The following MICALL2 variants were observed in gnomAD, a reference collection of about 807,000 sequenced individuals.
MICALL2 encodes the protein MICAL-like protein 2.
In MICALL2, 111 loss-of-function variants were observed where a neutral mutation model predicts 91.1. That is an observed-to-expected ratio of 1.22 (90% CI 1.04 to 1.43). The LOEUF is 1.43. Among genes scored for constraint, MICALL2 ranks in the 40% most tolerant of loss-of-function variants. The pLI, the probability that MICALL2 is intolerant of heterozygous loss-of-function variation, is 0.00. For missense variants in MICALL2, 1,556 were observed against 1,236.0 expected, an observed-to-expected ratio of 1.26 and a Z score of -3.88; for synonymous variants, 694 against 525.3, an observed-to-expected ratio of 1.32 and a Z score of -4.39.
At chr7:1,440,238 G>A in intron 8 of MICALL2, 153 bp from the exon 9 acceptor site, 1 of 910,044 alleles carries the variant, frequency 1.1e-6, no homozygotes, top group South Asian at 1.7e-5. Flanking sequence ...CACCTGCTGG[G>A]ACCCTCCTGC....
At chr7:1,458,543 C>A (rs1781099728) in intron 1 of MICALL2, among the ~76,000 whole-genome samples, 1 of 152,256 alleles carries the variant, frequency 6.6e-6, no homozygotes, top group Non-Finnish European at 1.5e-5. Flanking sequence ...CAGCAACGGG[C>A]AGGGCCAGCT....
chr7:1,444,504 C>A (rs889738134), intron 6 of MICALL2, 148 bp downstream of exon 6: 5 of 815,334 alleles, frequency 6.1e-6, no homozygotes, highest in African/African-American at 3.5e-5. Flanking sequence ...TCCCCATTCC[C>A]CAGAGAAGGA....
rs576836690 is a variant in MICALL2 at position 1,452,314 on chromosome 7, C to T, written c.144-2026G>A. ...GCCTCTGTCTGCCTGGGCTTGTCCC[C>T]CGAGAGGGTGTGACCCGAGGGCACG... On this transcript the variant is annotated intron_variant, in intron 1 of 16. Coordinates refer to ENST00000297508, the MANE Select transcript of MICALL2 (RefSeq NM_182924.4). This position sits in a 1 kb window ranked among gnomAD's most constrained non-coding sequence, Gnocchi z 6.2. 6.6e-6 allele frequency among the ~76,000 whole-genome samples: 1 copy of T among 152,152 alleles called. No individual in the cohort carries two copies. The highest frequency in any genetic ancestry group is 1.5e-5 in the Non-Finnish European group (1 of 68,018).
intron 1 of MICALL2, among the ~76,000 whole-genome samples, chr7:1,456,574 A>C (rs1781024934): frequency 1.3e-5 from 2 of 151,984 alleles, no homozygotes. Flanking sequence ...CGACAGAGCT[A>C]GACTCTGTCT....
At position 1,447,665 on chromosome 7, in the gene MICALL2, G is replaced by C; in HGVS notation, c.435C>G (p.Ala145=). The C allele has an allele frequency of 6.3e-7, 1 of 1,587,530 alleles. No homozygotes were observed. The highest frequency in any genetic ancestry group is 1.1e-5 in the South Asian group (1 of 87,032). The change falls in exon 4 of 17, where the codon GCC becomes GCG. Residue 145 remains alanine (A), a synonymous_variant. Coordinates refer to ENST00000297508, the MANE Select transcript of MICALL2 (RefSeq NM_182924.4). ...PVQAAKLPSP[A]PARKPPLSPA... The stretch of plus-strand genomic sequence containing the variant: ...GAGATAGTGGAGGCTTCCGGGCTGG[G>C]GCGGGCGAGGGCAGCTTGGCCGCCT...
chr7:1,445,068 C>T lies in MICALL2; in HGVS notation c.1002G>A (p.Gly334=). ...ESRLAPTPTE[G]KVRPRVTNSS... ...TATTGGTCACACGAGGGCGGACTTT[C>T]CCCTCCGTGGGAGTGGGGGCCAGGC... The change falls in exon 6 of 17, where the codon GGG becomes GGA. Residue 334 remains glycine (G), a synonymous_variant. Coordinates refer to ENST00000297508, the MANE Select transcript of MICALL2 (RefSeq NM_182924.4). 1.3e-6 allele frequency: 2 copies of T among 1,549,274 alleles called. No homozygotes were observed. The highest frequency in any genetic ancestry group is 1.7e-6 in the Non-Finnish European group (2 of 1,147,016).
chr7:1,457,040 T>C (rs1781043266), intron 1 of MICALL2, among the ~76,000 whole-genome samples: 1 of 152,164 alleles, frequency 6.6e-6, no homozygotes, highest in Non-Finnish European at 1.5e-5. Flanking sequence ...CCTTGCTGCC[T>C]AAGGAGGTTC....
chr7:1,436,890 C>A lies in MICALL2; in HGVS notation c.2477-34G>T, dbSNP rs200382638. The A allele has an allele frequency of 4.5e-3, 6,490 of 1,453,098 alleles. 16 individuals carry two copies. Among genetic ancestry groups the A allele is most frequent in the Non-Finnish European group, 5.3e-3 (5,733 of 1,079,862 alleles). 90.0% of individuals were successfully genotyped at this position (1,453,098 alleles called of 1,614,324 possible). Reference sequence around the variant, plus strand: ...ATGGCTCGTCAGCAGGAGCCCCCCCCACCACTGCCATGCCCCTCACAGGAC... The same window carrying A: ...ATGGCTCGTCAGCAGGAGCCCCCCCAACCACTGCCATGCCCCTCACAGGAC... On this transcript the variant is annotated intron_variant, in intron 14 of 16. Transcript: ENST00000297508.
chr7:1,440,049 C>G lies in MICALL2; in HGVS notation c.1842G>C (p.Glu614Asp). 6.3e-7 allele frequency: 1 copy of G among 1,584,750 alleles called. No individual in the cohort carries two copies. Among genetic ancestry groups the G allele is most frequent in the African/African-American group, 1.4e-5 (1 of 72,708 alleles). ...TCCTGGGGGCCTCCCCCGCCCTCGG[C>G]TCTGCCAGGGCCCGTGGTTCCTTGG... The part of the protein sequence containing the change: ...LKPKEPRALA[E>D]PRAGEAPRKV... Residue 614 changes from glutamate (E) to aspartate (D), a missense_variant, in exon 9 of 17, where the codon GAG (glutamate) becomes GAC (aspartate). Glu to Asp is a conservative substitution (Grantham distance 45). Transcript: ENST00000297508.
chr7:1,443,751 C>G (rs1376472207), intron 6 of MICALL2, among the ~76,000 whole-genome samples: 2 of 152,208 alleles, frequency 1.3e-5, no homozygotes, highest in Non-Finnish European at 2.9e-5. Context: ...CAGGTCCACC[C>G]CTAGTGCCCT....
chr7:1,448,738 G>A lies in MICALL2; in HGVS notation c.216C>T (p.His72=), dbSNP rs755921356. ...CATCCAGCAAGGCTGGGATGCCCAA[G>A]TGCTCCTCGGCCACGCGGAAGGCCT... ...NKLAFRVAEE[H]LGIPALLDAE... Residue 72 remains histidine (H), a synonymous_variant, in exon 3 of 17, where the codon CAC becomes CAT. Coordinates refer to ENST00000297508, the MANE Select transcript of MICALL2 (RefSeq NM_182924.4). 1.9e-6 allele frequency: 3 copies of A among 1,612,758 alleles called. No homozygotes were observed. Among genetic ancestry groups the A allele is most frequent in the Non-Finnish European group, 2.5e-6 (3 of 1,179,926 alleles).
intron 6 of MICALL2, 82 bp from the exon 7 acceptor site, chr7:1,442,566 C>G (rs974644978): frequency 2.6e-5 from 35 of 1,336,154 alleles, no homozygotes; most frequent in Non-Finnish European, 3.4e-5. Context: ...CTCTGCCTCC[C>G]TGCAGCTCAC....
intron 4 of MICALL2, 37 bp downstream of exon 4, chr7:1,447,538 C>A: frequency 7.5e-7 from 1 of 1,337,618 alleles, no homozygotes; most frequent in Non-Finnish European, 1.0e-6. Flanking sequence ...CGGTGGAAAA[C>A]CCAGAGAACC....
chr7:1,459,201 G>A lies in MICALL2; in HGVS notation c.126C>T (p.Arg42=). 2 of 1,610,268 alleles carry A rather than the reference G, an allele frequency of 1.2e-6. No individual in the cohort carries two copies. The highest frequency in any genetic ancestry group is 1.7e-6 in the Non-Finnish European group (2 of 1,178,680). Residue 42 remains arginine, a synonymous_variant, in exon 1 of 17, where the codon CGC becomes CGT. Coordinates refer to ENST00000297508, the MANE Select transcript of MICALL2 (RefSeq NM_182924.4). ...GGACTTACATGAGGTCGGGCCGGTG[G>A]CGGTGCAGGATGGCGCAGAAAGCCA... ...DGLAFCAILH[R]HRPDLINFSA...
At chr7:1,434,695 G>C in intron 16 of MICALL2, 23 bp from the exon 17 acceptor site, 9 of 1,534,352 alleles carry the variant, frequency 5.9e-6, no homozygotes, top group Non-Finnish European at 7.9e-6. Context: ...TGGACAGTGA[G>C]GCCGTGCTCA....
In MICALL2 at chr7:1,452,675, A is replaced by G. The variant is rs1324481792; in HGVS notation, c.144-2387T>C. Among the ~76,000 whole-genome samples the G allele has an allele frequency of 6.6e-6, 1 of 152,004 alleles. No individual in the cohort carries two copies. The highest frequency in any genetic ancestry group is 2.4e-5 in the African/African-American group (1 of 41,388). On this transcript the variant is annotated intron_variant, in intron 1 of 16. Coordinates refer to ENST00000297508, the MANE Select transcript of MICALL2 (RefSeq NM_182924.4). The surrounding 1 kb of genome is among the most constrained non-coding windows in gnomAD (Gnocchi z 6.2). ...CCCTGCAGGGCCATCTCACCCCCAG[A>G]CCCACAGTCAGGCTCTCAGAGCTCC... is the stretch of plus-strand genomic sequence containing the variant.
rs1029939687 is a variant in MICALL2 at position 1,451,381 on chromosome 7, T to A, written c.144-1093A>T. On this transcript the variant is annotated intron_variant, in intron 1 of 16. Transcript: ENST00000297508. The surrounding 1 kb of genome is among the most constrained non-coding windows in gnomAD (Gnocchi z 4.5). ...AGGGAGGGTTGGTTAAATCATGATCTGGAAGCCGGGTGCAGTGGCTCACAC... is the reference window on the plus strand; with the variant it reads ...AGGGAGGGTTGGTTAAATCATGATCAGGAAGCCGGGTGCAGTGGCTCACAC... 6.6e-6 allele frequency among the ~76,000 whole-genome samples: 1 copy of A among 152,150 alleles called. No homozygotes were observed. The highest frequency in any genetic ancestry group is 2.4e-5 in the African/African-American group (1 of 41,420).
chr7:1,435,071 C>T (rs375185964), intron 16 of MICALL2, 30 bp downstream of exon 16: 1 of 1,610,494 alleles, frequency 6.2e-7, no homozygotes, highest in Non-Finnish European at 8.5e-7. Flanking sequence ...AGCCAGCCAG[C>T]CCAGCCCTCA....
intron 14 of MICALL2, 33 bp from the exon 15 acceptor site, chr7:1,436,889 C>T (rs1227347430): frequency 2.8e-6 from 4 of 1,450,118 alleles, no homozygotes; most frequent in Non-Finnish European, 3.7e-6. Flanking sequence ...GGAGCCCCCC[C>T]CACCACTGCC....
Sources: gnomAD v4.1 joint callset for allele counts (sites outside exome capture counted in the v4.1 genomes callset) on GRCh38, gnomAD v4.1.1 for gene constraint, Gnocchi (gnomAD v3.1) non-coding constraint, MANE v1.5 for transcripts, NCBI Gene and HGNC (gene_info 2026-07-23, HGNC 2026-07-21) for gene names.